Variants in TM6SF1 observed in about 807,000 individuals in gnomAD.
TM6SF1 encodes the protein transmembrane 6 superfamily member 1.
A neutral mutation model predicts 47.1 loss-of-function variants in TM6SF1; 43 were observed. The observed-to-expected ratio is 0.91, with a 90% confidence interval of 0.72 to 1.18. The LOEUF is 1.18. Among genes scored for constraint, TM6SF1 ranks in the 50% most tolerant of loss-of-function variants. The probability of loss-of-function intolerance (pLI) is 0.00; values close to 1 mark genes in which losing one functional copy is unlikely to be tolerated. For synonymous variants in TM6SF1, 177 were observed against 166.3 expected (o/e 1.06, Z -0.49); for missense variants, 390 against 449.0 (o/e 0.87, Z 1.19).
At chr15:83,132,386 AG>A (rs1239712583) in intron 9 of TM6SF1, 5 of 152,224 alleles carry the variant, frequency 3.3e-5, no homozygotes, top group African/African-American at 1.2e-4. Flanking sequence ...CTTGGTAAGG[AG>A]CCTGCCATCC....
At chr15:83,133,059 C>T (rs1227458844) in intron 9 of TM6SF1, 1 of 152,192 alleles carries the variant, frequency 6.6e-6, no homozygotes, top group Non-Finnish European at 1.5e-5. Flanking sequence ...ATGTCACAAA[C>T]ATCACCTCAC....
At chr15:83,131,945 C>T (rs2036283430) in intron 9 of TM6SF1, 1 of 152,036 alleles carries the variant, frequency 6.6e-6, no homozygotes, top group Non-Finnish European at 1.5e-5. Context: ...GCTAAAATAT[C>T]AATGAAAATG....
intron 6 of TM6SF1, among the ~76,000 whole-genome samples, chr15:83,124,289 T>C (rs2035534788): frequency 6.6e-6 from 1 of 152,192 alleles, no homozygotes; most frequent in African/African-American, 2.4e-5. Flanking sequence ...TGTGTGTATA[T>C]ATGTATGTTG....
intron 9 of TM6SF1, 121 bp from the exon 10 acceptor site, chr15:83,136,360 T>G (rs1454338316): frequency 1.5e-6 from 1 of 683,678 alleles, no homozygotes; most frequent in Non-Finnish European, 2.3e-6. Flanking sequence ...GTATTTTGCC[T>G]GCAGGTGAGA....
In TM6SF1 at chr15:83,126,814, T is replaced by C. The variant is rs1261341907; in HGVS notation, c.768T>C (p.Tyr256=). 3 of 1,613,906 alleles carry C rather than the reference T, an allele frequency of 1.9e-6. No individual in the cohort carries two copies. Among genetic ancestry groups the C allele is most frequent in the South Asian group, 2.2e-5 (2 of 91,060 alleles). ...TATATACGCAATTTCAAGAGCCCTA[T>C]CTAAAGGATCCTGCTGCTTATCCTA... ...CRLYTQFQEP[Y]LKDPAAYPKI... is the part of the protein sequence containing the mutation. The change falls in exon 8 of 10, where the codon TAT becomes TAC. Residue 256 remains tyrosine, a synonymous_variant. Transcript: ENST00000322019.
rs1362921265 is a variant in TM6SF1, at chr15:83,136,828, A to C, written c.*156A>C. The C allele has an allele frequency of 4.0e-6, 2 of 505,664 alleles. No homozygotes were observed. The highest frequency in any genetic ancestry group is 6.4e-6 in the Non-Finnish European group (2 of 311,732). 31.3% of individuals were successfully genotyped at this position (505,664 alleles called of 1,614,324 possible). ...TGTGTGAGCTATATGGTATTGTGTA[A>C]ATTTTTTTTGAAGGAAAATGGAAAT... On this transcript the variant is annotated 3_prime_UTR_variant, in exon 10 of 10. Transcript: ENST00000322019.
At chr15:83,109,720 C>T (rs1307478154) in intron 1 of TM6SF1, among the ~76,000 whole-genome samples, 3 of 152,138 alleles carry the variant, frequency 2.0e-5, no homozygotes, top group Non-Finnish European at 4.4e-5. Flanking sequence ...GCGTGTTTCT[C>T]GGCCTCGGCC....
In TM6SF1 at chr15:83,124,761, C is replaced by T; in HGVS notation, c.693C>T (p.Cys231=). The stretch of plus-strand genomic sequence containing the variant: ...GTCTCCTCCTGGCAACTGGATTTTG[C>T]CTGTTCAGAGGTTTGGTAAGCATAA... ...VVCLLLATGF[C]LFRGLIALDC... The change falls in exon 7 of 10, where the codon TGC becomes TGT. Residue 231 remains cysteine (C), a synonymous_variant. Transcript: ENST00000322019. 1 of 1,613,818 alleles carries T rather than the reference C, an allele frequency of 6.2e-7. No homozygotes were observed. Among genetic ancestry groups the T allele is most frequent in the Middle Eastern group, 1.7e-4 (1 of 6,058 alleles).
At chr15:83,120,511 A>T (rs1419387664) in intron 4 of TM6SF1, among the ~76,000 whole-genome samples, 1 of 151,824 alleles carries the variant, frequency 6.6e-6, no homozygotes, top group Non-Finnish European at 1.5e-5. Context: ...TTCTTGCCCC[A>T]TACAAGGTTG....
At chr15:83,117,110 C>T (rs767739994) in intron 3 of TM6SF1, among the ~76,000 whole-genome samples, 13 of 152,156 alleles carry the variant, frequency 8.5e-5, no homozygotes, top group Non-Finnish European at 1.8e-4. Flanking sequence ...GAGTTGGTGA[C>T]ACTGCTGTAG....
At chr15:83,136,383 G>A in intron 9 of TM6SF1, 98 bp from the exon 10 acceptor site, 8 of 1,031,448 alleles carry the variant, frequency 7.8e-6, no homozygotes, top group Non-Finnish European at 9.5e-6. Flanking sequence ...GGTTTTGAGG[G>A]CACAGAAACG....
chr15:83,115,823 A>G, intron 2 of TM6SF1, 22 bp from the exon 3 acceptor site: 1 of 1,566,000 alleles, frequency 6.4e-7, no homozygotes, highest in Non-Finnish European at 8.8e-7. Context: ...TGCTTTTTAA[A>G]CTGCTGCTTT....
intron 9 of TM6SF1, 158 bp from the exon 10 acceptor site, chr15:83,136,323 A>G: frequency 2.1e-6 from 1 of 481,550 alleles, no homozygotes; most frequent in Non-Finnish European, 3.6e-6. Context: ...AAAGACTCTG[A>G]CATTAAAGAC....
intron 6 of TM6SF1, among the ~76,000 whole-genome samples, chr15:83,123,892 T>C (rs1454296761): frequency 3.3e-5 from 5 of 152,228 alleles, no homozygotes; most frequent in South Asian, 2.1e-4. Flanking sequence ...TGTCATACAG[T>C]GCTGACAGAA....
intron 3 of TM6SF1, 147 bp from the exon 4 acceptor site, chr15:83,119,431 T>C (rs1019332493): frequency 4.7e-6 from 4 of 858,844 alleles, no homozygotes; most frequent in African/African-American, 3.4e-5. Flanking sequence ...TGTATTTTCA[T>C]GTTCCTACCA....
At position 83,122,021 on chromosome 15, in the gene TM6SF1, A is replaced by G. The variant is rs932273501; in HGVS notation, c.481+18A>G. ...CATTGTAGGTAAGAAACTTTATCTT[A>G]AAGTTCACTTTCCTTTTCTAAAACA... On this transcript the variant is annotated intron_variant, in intron 5 of 9. Coordinates refer to ENST00000322019, the MANE Select transcript of TM6SF1 (RefSeq NM_023003.5). The G allele has an allele frequency of 5.1e-6, 8 of 1,581,964 alleles. No individual in the cohort carries two copies. Among genetic ancestry groups the G allele is most frequent in the Non-Finnish European group, 6.9e-6 (8 of 1,155,910 alleles).
At chr15:83,132,898 G>A (rs1196890971) in intron 9 of TM6SF1, 1 of 152,072 alleles carries the variant, frequency 6.6e-6, no homozygotes, top group African/African-American at 2.4e-5. Context: ...TCCTTTCATG[G>A]AGACACTCAC....
intron 9 of TM6SF1, chr15:83,135,115 A>T (rs1407571940): frequency 6.6e-6 from 1 of 152,206 alleles, no homozygotes; most frequent in African/African-American, 2.4e-5. Flanking sequence ...AATTTAATTT[A>T]TATCTCCAGA....
chr15:83,125,742 G>T (rs1274046975), intron 7 of TM6SF1, among the ~76,000 whole-genome samples: 6 of 152,234 alleles, frequency 3.9e-5, no homozygotes, highest in Non-Finnish European at 8.8e-5. Flanking sequence ...AGTGGCAAGT[G>T]TAAGCCCATG....
Sources: gnomAD v4.1 joint callset for allele counts (sites outside exome capture counted in the v4.1 genomes callset) on GRCh38, gnomAD v4.1.1 for gene constraint, MANE v1.5 for transcripts, NCBI Gene and HGNC (gene_info 2026-07-23, HGNC 2026-07-21) for gene names.